The following DSC2 variants were observed in gnomAD, a reference collection of about 807,000 sequenced individuals.
DSC2 encodes the protein desmocollin 2.
A neutral mutation model predicts 87.6 loss-of-function variants in DSC2; 51 were observed. The observed-to-expected ratio is 0.58, with a 90% CI of 0.46 to 0.74. The LOEUF is 0.74. Ranked by LOEUF, DSC2 falls within the 30% of genes least tolerant of loss-of-function variation. The pLI is 0.00. For synonymous variants in DSC2, 383 were observed against 393.2 expected, an observed-to-expected ratio of 0.97 and a Z score of 0.31; for missense variants, 1,066 against 1,089.5, an observed-to-expected ratio of 0.98 and a Z score of 0.30.
rs1986632137 is a variant in DSC2, at chr18:31,066,755, A to G, written c.*1260T>C. On this transcript the variant is annotated 3_prime_UTR_variant, in exon 16 of 16. Transcript: ENST00000280904. ...CATTTCTACATTTGTTAAAATTGTA[A>G]TCTTAAAATATTAAAAAAATAACTT... 6.6e-6 allele frequency: 1 copy of G among 152,184 alleles called. No homozygotes were observed. Among genetic ancestry groups the G allele is most frequent in the African/African-American group, 2.4e-5 (1 of 41,466 alleles). The allele number at this position is 152,184 out of a possible 1,614,324, so 9.4% of individuals were successfully genotyped here. A position where few individuals can be genotyped will look rare whatever the true frequency, so the allele number is the denominator to read the frequency against.
intron 3 of DSC2, 82 bp from the exon 4 acceptor site, chr18:31,091,229 T>C: frequency 1.3e-6 from 2 of 1,562,386 alleles, no homozygotes; most frequent in Non-Finnish European, 1.7e-6. Flanking sequence ...ATCTTTCTCC[T>C]CTCAGGAGGA....
At position 31,093,592 on chromosome 18, in the gene DSC2, A is replaced by C; in HGVS notation, c.121T>G (p.Ser41Ala). The C allele has an allele frequency of 6.2e-7, 1 of 1,606,632 alleles. No homozygotes were observed. The highest frequency in any genetic ancestry group is 8.5e-7 in the Non-Finnish European group (1 of 1,175,058). Residue 41 changes from serine to alanine, a missense_variant, in exon 2 of 16, where the codon TCC becomes GCC. By Grantham distance (99) the Ser-to-Ala change is moderately conservative (BLOSUM62 1). Transcript: ENST00000280904. ...ACAAGTTTCTCGGCATCTAGTTTGG[A>C]GGGAACATGTAATGTCACATTTTTG... ...ACKNVTLHVP[S>A]KLDAEKLVGR...
Position 31,086,659 on chromosome 18 carries a change from G to A in DSC2, c.859C>T (p.Gln287Ter). Residue 287 changes from glutamine (Q) to a stop codon, truncating the protein, a stop_gained, in exon 7 of 16, where the codon CAG (glutamine) becomes TAG (stop). Transcript: ENST00000280904. LOFTEE classifies it high-confidence loss of function. Reference sequence around the variant, plus strand: ...AATAGGGTGGGTGATGGTGGCACCTGCCCAATGATGGAGTACTTCAGGCGT... The same window carrying A: ...AATAGGGTGGGTGATGGTGGCACCTACCCAATGATGGAGTACTTCAGGCGT... Reference protein sequence around the residue: ...HTRLKYSIIGQVPPSPTLFSM... With the variant: ...HTRLKYSIIG The A allele has an allele frequency of 6.2e-7, 1 of 1,614,138 alleles. No homozygotes were observed. The highest frequency in any genetic ancestry group is 1.1e-5 in the South Asian group (1 of 91,074).
chr18:31,082,363 C>G lies in DSC2; in HGVS notation c.1138G>C (p.Asp380His). The change falls in exon 9 of 16, where the codon GAT becomes CAT. Residue 380 changes from aspartate (D) to histidine (H), a missense_variant. Asp to His is a moderately conservative substitution (Grantham distance 81, BLOSUM62 -1). Transcript: ENST00000280904. ...DVEILRVTVE[D>H]KDLVNTANWR... ...TTAGCAGTATTCACTAAGTCCTTAT[C>G]CTCAACAGTAACTCGTAAGATTTCC... is the stretch of plus-strand genomic sequence containing the variant. 1 of 1,613,870 alleles carries G rather than the reference C, an allele frequency of 6.2e-7. No individual in the cohort carries two copies. The highest frequency in any genetic ancestry group is 8.5e-7 in the Non-Finnish European group (1 of 1,179,962).
At position 31,087,816 on chromosome 18, in the gene DSC2, G is replaced by A. The variant is rs1262481741; in HGVS notation, c.631-3C>T. 1.2e-6 allele frequency: 2 copies of A among 1,613,326 alleles called. No individual in the cohort carries two copies. The highest frequency in any genetic ancestry group is 1.7e-6 in the Non-Finnish European group (2 of 1,179,590). On this transcript the variant is annotated splice_polypyrimidine_tract_variant and splice_region_variant and intron_variant, in intron 5 of 15. Transcript: ENST00000280904. ...GGAGTTGTTGCAAAGGCAATTATCT[G>A]TGAAGAGAGTAAAATAAGGAGAAAA...
intron 8 of DSC2, 128 bp from the exon 9 acceptor site, chr18:31,082,551 A>G: frequency 1.1e-6 from 1 of 873,272 alleles, no homozygotes; most frequent in South Asian, 1.5e-5. Context: ...CCCTAGCACT[A>G]TACAACTTTT....
At chr18:31,072,082 G>T (rs1231486857) in intron 12 of DSC2, among the ~76,000 whole-genome samples, 1 of 152,130 alleles carries the variant, frequency 6.6e-6, no homozygotes, top group Admixed American at 6.6e-5. Context: ...TTTGGCTCTT[G>T]TAATAATATA....
At chr18:31,075,880 AAAG>A (rs975258013) in intron 11 of DSC2, among the ~76,000 whole-genome samples, 31 of 151,362 alleles carry the variant, frequency 2.0e-4, no homozygotes, top group African/African-American at 7.0e-4. Context: ...AAAGAAAAGA[AAAG>A]AAAGAAAGAA....
At position 31,065,860 on chromosome 18, in the gene DSC2, C is replaced by T. The variant is rs1391662017; in HGVS notation, c.*2155G>A. On this transcript the variant is annotated 3_prime_UTR_variant, in exon 16 of 16. Coordinates refer to ENST00000280904, the MANE Select transcript of DSC2 (RefSeq NM_024422.6). Reference sequence around the variant, plus strand: ...TCTGAAAAACTGAACATACAAGACCCAGTCATCAGGTGATCATTATGAAGA... The same window carrying T: ...TCTGAAAAACTGAACATACAAGACCTAGTCATCAGGTGATCATTATGAAGA... The T allele has an allele frequency of 6.6e-6, 1 of 152,114 alleles. No homozygotes were observed. Among genetic ancestry groups the T allele is most frequent in the Non-Finnish European group, 1.5e-5 (1 of 68,006 alleles). 9.4% of individuals were successfully genotyped at this position (152,114 alleles called of 1,614,324 possible). A position where few individuals can be genotyped will look rare whatever the true frequency, so the allele number is the denominator to read the frequency against.
In DSC2 at chr18:31,068,201, C is replaced by G. The variant is rs1677536151; in HGVS notation, c.2520G>C (p.Leu840=). ...TQPRLGEKVY[L]CNQDENHKHA... is the part of the protein sequence containing the mutation. ...GCTTGTGATTTTCATCTTGATTACA[C>G]AGATACACTTTCTGCCAAGGGGAAA... The change falls in exon 16 of 16, where the codon CTG becomes CTC. Residue 840 remains leucine (L), a synonymous_variant. Transcript: ENST00000280904. 1.2e-6 allele frequency: 2 copies of G among 1,614,032 alleles called. No homozygotes were observed. Among genetic ancestry groups the G allele is most frequent in the Non-Finnish European group, 1.7e-6 (2 of 1,179,982 alleles).
Position 31,087,401 on chromosome 18 carries a change from G to C in DSC2, c.775+268C>G, listed in dbSNP as rs140338535. The stretch of plus-strand genomic sequence containing the variant: ...TTAACTCCTATTTGTCAGGCACTGT[G>C]CTTGGCATTCGCTGTGTATTGAGCT... On this transcript the variant is annotated intron_variant, in intron 6 of 15. Transcript: ENST00000280904. 2.2e-3 allele frequency among the ~76,000 whole-genome samples: 339 copies of C among 152,274 alleles called. 1 individual carries two copies. Among genetic ancestry groups the C allele is most frequent in the African/African-American group, 7.7e-3 (318 of 41,552 alleles).
rs928813357 is a variant in DSC2, at chr18:31,066,420, T to C, written c.*1595A>G. On this transcript the variant is annotated 3_prime_UTR_variant, in exon 16 of 16. Transcript: ENST00000280904. ...TAGTAATATATAAGAATTTTGTATA[T>C]ACTTTATTAAAAATAACTTTGGAAA... The C allele has an allele frequency of 3.9e-5, 6 of 152,168 alleles. No homozygotes were observed. The highest frequency in any genetic ancestry group is 1.4e-4 in the African/African-American group (6 of 41,442). The allele number at this position is 152,168 out of a possible 1,614,324, so 9.4% of individuals were successfully genotyped here.
rs1180330595 is a variant in DSC2, at chr18:31,061,094, C to T, written c.*6921G>A. The T allele has an allele frequency of 6.6e-6, 1 of 152,218 alleles. No individual in the cohort carries two copies. The highest frequency in any genetic ancestry group is 6.5e-5 in the Admixed American group (1 of 15,274). 9.4% of individuals were successfully genotyped at this position (152,218 alleles called of 1,614,324 possible). A position where few individuals can be genotyped will look rare whatever the true frequency, so the allele number is the denominator to read the frequency against. On this transcript the variant is annotated 3_prime_UTR_variant, in exon 16 of 16. Coordinates refer to ENST00000280904, the MANE Select transcript of DSC2 (RefSeq NM_024422.6). ...ATACTTTTCCCCTACTAGCCTGTTA[C>T]TCCTGTGACTGATTCATGAGGGATC...
chr18:31,087,788 T>C lies in DSC2; in HGVS notation c.656A>G (p.Asp219Gly). 6.2e-7 allele frequency: 1 copy of C among 1,613,874 alleles called. No homozygotes were observed. The highest frequency in any genetic ancestry group is 8.5e-7 in the Non-Finnish European group (1 of 1,179,858). ...FEIIAFATTP[D>G]GYTPELPLPL... Reference sequence around the variant, plus strand: ...CAGTGGAAGTTCTGGAGTATACCCATCTGGAGTTGTTGCAAAGGCAATTAT... The same window carrying C: ...CAGTGGAAGTTCTGGAGTATACCCACCTGGAGTTGTTGCAAAGGCAATTAT... The change falls in exon 6 of 16, where the codon GAT (aspartate) becomes GGT (glycine). Residue 219 changes from aspartate to glycine, a missense_variant. Asp to Gly is a moderately conservative substitution (Grantham distance 94). Transcript: ENST00000280904.
rs537961741 is a variant in DSC2, at chr18:31,063,687, G to A, written c.*4328C>T. On this transcript the variant is annotated 3_prime_UTR_variant, in exon 16 of 16. Coordinates refer to ENST00000280904, the MANE Select transcript of DSC2 (RefSeq NM_024422.6). Reference sequence around the variant, plus strand: ...CGATCTGATATTTCAACTTTATGATGGTGTCAAAGAAATATGCATTCAGCA... The same window carrying A: ...CGATCTGATATTTCAACTTTATGATAGTGTCAAAGAAATATGCATTCAGCA... The A allele has an allele frequency of 6.6e-6, 1 of 152,154 alleles. No individual in the cohort carries two copies. Among genetic ancestry groups the A allele is most frequent in the South Asian group, 2.1e-4 (1 of 4,814 alleles). 9.4% of individuals were successfully genotyped at this position (152,154 alleles called of 1,614,324 possible). A position where few individuals can be genotyped will look rare whatever the true frequency, so the allele number is the denominator to read the frequency against.
Position 31,071,729 on chromosome 18 carries a change from T to C in DSC2, c.2001A>G (p.Thr667=). 1 of 1,614,028 alleles carries C rather than the reference T, an allele frequency of 6.2e-7. No individual in the cohort carries two copies. The highest frequency in any genetic ancestry group is 8.5e-7 in the Non-Finnish European group (1 of 1,179,978). Reference sequence around the variant, plus strand: ...CATTTTCGGTAATGCAGTCACACAGTGTAACATCCAATGAAGTGACACTAG... The same window carrying C: ...CATTTTCGGTAATGCAGTCACACAGCGTAACATCCAATGAAGTGACACTAG... ...GMSSVTSLDV[T]LCDCITENDC... is the part of the protein sequence containing the mutation. Residue 667 remains threonine (T), a synonymous_variant, in exon 13 of 16, where the codon ACA becomes ACG. Coordinates refer to ENST00000280904, the MANE Select transcript of DSC2 (RefSeq NM_024422.6).
At chr18:31,068,425 G>A (rs1022429277) in intron 15 of DSC2, 27 of 1,391,498 alleles carry the variant, frequency 1.9e-5, no homozygotes, top group Admixed American at 1.2e-4. Context: ...TAAAAGTCAC[G>A]CATGTGGCAG....
intron 15 of DSC2, chr18:31,068,447 G>C (rs1311182127): frequency 8.2e-7 from 1 of 1,225,992 alleles, no homozygotes; most frequent in Non-Finnish European, 1.2e-6. Flanking sequence ...AAGTATACAG[G>C]TGTTCATTTT....
In DSC2 at chr18:31,082,964, C is replaced by T. The variant is rs1214725211; in HGVS notation, c.1039G>A (p.Asp347Asn). Residue 347 changes from aspartate to asparagine, a missense_variant, in exon 8 of 16, where the codon GAT becomes AAT. By Grantham distance (23) the Asp-to-Asn change is conservative (BLOSUM62 1). Coordinates refer to ENST00000280904, the MANE Select transcript of DSC2 (RefSeq NM_024422.6). ...AATGTTGGCAAGTGGTCATTTACATCATCAATGTTAATGATACAAGTTGAA... is the reference window on the plus strand; with the variant it reads ...AATGTTGGCAAGTGGTCATTTACATTATCAATGTTAATGATACAAGTTGAA... The part of the protein sequence containing the change: ...TTSTCIINID[D>N]VNDHLPTFTR... The T allele has an allele frequency of 1.2e-6, 2 of 1,613,378 alleles. No individual in the cohort carries two copies. The highest frequency in any genetic ancestry group is 2.2e-5 in the South Asian group (2 of 91,044).
Sources: allele counts gnomAD v4.1 joint callset (sites outside exome capture counted in the v4.1 genomes callset), GRCh38; gene constraint gnomAD v4.1.1; transcripts MANE v1.5; gene names NCBI Gene and HGNC (gene_info 2026-07-23, HGNC 2026-07-21).